The following SNAPC3 variants were observed in gnomAD, a reference collection of about 807,000 sequenced individuals.
The protein encoded by SNAPC3 is snRNA-activating protein complex subunit 3.
A neutral mutation model predicts 47.7 loss-of-function variants in SNAPC3; 56 were observed. The ratio of observed to expected loss-of-function variants is 1.18; its 90% CI spans 0.95 to 1.47. The LOEUF is 1.47. SNAPC3 is among the 40% of genes most tolerant of loss of function. The probability of loss-of-function intolerance (pLI) is 0.00; values close to 1 mark genes in which losing one functional copy is unlikely to be tolerated. For missense variants in SNAPC3, 665 were observed against 511.3 expected, an observed-to-expected ratio of 1.30 and a Z score of -2.90; for synonymous variants, 235 against 189.9, an observed-to-expected ratio of 1.24 and a Z score of -1.95.
intron 6 of SNAPC3, among the ~76,000 whole-genome samples, chr9:15,452,515 TC>T: frequency 6.6e-6 from 1 of 151,572 alleles, no homozygotes; most frequent in Non-Finnish European, 1.5e-5. Flanking sequence ...ATGGGGTTTT[TC>T]CATGTTGGTC....
At chr9:15,465,284 T>C (rs2035540020), downstream of SNAPC3, 2 of 440,328 alleles carry the variant, frequency 4.5e-6, no homozygotes, top group East Asian at 7.6e-5. Context: ...AAAAGCAGTT[T>C]AACATTTTCT....
chr9:15,424,383 T>C (rs1312957220), intron 2 of SNAPC3, among the ~76,000 whole-genome samples: 1 of 152,230 alleles, frequency 6.6e-6, no homozygotes, highest in Non-Finnish European at 1.5e-5. Flanking sequence ...GGTAATCTAC[T>C]TAGATCTGGG....
chr9:15,452,829 A>G (rs2034492207), intron 6 of SNAPC3, among the ~76,000 whole-genome samples: 1 of 152,270 alleles, frequency 6.6e-6, no homozygotes, highest in Non-Finnish European at 1.5e-5. Context: ...AGTGATGCAC[A>G]TCATGTAACC....
chr9:15,452,386 T>C (rs2034455270), intron 6 of SNAPC3, among the ~76,000 whole-genome samples: 1 of 152,022 alleles, frequency 6.6e-6, no homozygotes, highest in Non-Finnish European at 1.5e-5. Context: ...TGGCGCGATT[T>C]CGGCTCACCA....
At position 15,423,600 on chromosome 9, in the gene SNAPC3, G is replaced by C. The variant is rs371102958; in HGVS notation, c.315-309G>C. 3.9e-5 allele frequency among the ~76,000 whole-genome samples: 6 copies of C among 152,204 alleles called. No individual in the cohort carries two copies. The East Asian group carries it at 9.7e-4, about 24-fold the overall frequency. On this transcript the variant is annotated intron_variant, in intron 1 of 8. Transcript: ENST00000380821. ...AGGAGTGTTAAAACCCCGACTAACT[G>C]GTTTCTTTTGGGGACCTTCCGGGTA...
chr9:15,433,517 C>CTTTGA lies in SNAPC3; in HGVS notation c.393-31_393-27dup, dbSNP rs773442994. The CTTTGA allele has an allele frequency of 6.1e-6, 8 of 1,312,708 alleles. No homozygotes were observed. In the South Asian group the frequency reaches 1.0e-4, roughly 17 times the overall value. The allele number at this position is 1,312,708 out of a possible 1,614,324, so 81.3% of individuals were successfully genotyped here. On this transcript the variant is annotated intron_variant, in intron 2 of 8. Transcript: ENST00000380821. ...TGAAGCCCGAATAACAAATGTTGAA[C>CTTTGA]TTTGATTTTTTTTTTTCTTTTACAT...
At chr9:15,457,773 G>C (rs1296114298) in intron 7 of SNAPC3, among the ~76,000 whole-genome samples, 187 bp from the exon 8 acceptor site, 1 of 152,118 alleles carries the variant, frequency 6.6e-6, no homozygotes, top group Non-Finnish European at 1.5e-5. Flanking sequence ...AATGCTCTTG[G>C]AGAAAGTATT....
chr9:15,427,755 A>C (rs977349826), intron 2 of SNAPC3, among the ~76,000 whole-genome samples: 4 of 152,234 alleles, frequency 2.6e-5, no homozygotes, highest in Non-Finnish European at 5.9e-5. Context: ...TGTACTGTTT[A>C]AAGGTTAACA....
At position 15,448,768 on chromosome 9, in the gene SNAPC3, G is replaced by A. The variant is rs371983652; in HGVS notation, c.732+1524G>A. On this transcript the variant is annotated intron_variant, in intron 5 of 8. Transcript: ENST00000380821. ...GGAGAGAAACAATAGGATAAGAAAAGTAGAATTTCAAAATTTTACGCGGAG... is the reference window on the plus strand; with the variant it reads ...GGAGAGAAACAATAGGATAAGAAAAATAGAATTTCAAAATTTTACGCGGAG... Among the ~76,000 whole-genome samples the A allele has an allele frequency of 3.9e-5, 6 of 152,232 alleles. No homozygotes were observed. The East Asian group carries it at 9.7e-4, about 24-fold the overall frequency.
At chr9:15,447,516 T>TG (rs2034038558) in intron 5 of SNAPC3, among the ~76,000 whole-genome samples, 2 of 70,026 alleles carry the variant, frequency 2.9e-5, no homozygotes, top group South Asian at 6.5e-4. Context: ...TTTTCTTTTT[T>TG]GTTTTTTTTT....
At chr9:15,449,788 C>G (rs1207730956) in intron 5 of SNAPC3, among the ~76,000 whole-genome samples, 1 of 151,514 alleles carries the variant, frequency 6.6e-6, no homozygotes, top group Non-Finnish European at 1.5e-5. Context: ...TCAGGCTGGT[C>G]TTGAACTCCC....
At chr9:15,465,784 C>CCCAAA (rs140524451), downstream of SNAPC3, 7,662 of 498,690 alleles carry the variant, frequency 0.015, 489 homozygotes, top group African/African-American at 0.14. Context: ...GTATCTTCTT[C>CCCAAA]CCAAAGTAAT....
chr9:15,422,878 AC>A lies in SNAPC3; in HGVS notation c.-1del. On this transcript the variant is annotated 5_prime_UTR_variant, in exon 1 of 9. Coordinates refer to ENST00000380821, the MANE Select transcript of SNAPC3 (RefSeq NM_001039697.2). Reference sequence around the variant, plus strand: ...TTTTGCAGGGGAAGGAGTGGGGCGAACATGGCTGAAGGAAGCCGAGGTGGCC... The same window carrying A: ...TTTTGCAGGGGAAGGAGTGGGGCGAAATGGCTGAAGGAAGCCGAGGTGGCC... The A allele has an allele frequency of 3.9e-6, 6 of 1,535,240 alleles. No individual in the cohort carries two copies. The highest frequency in any genetic ancestry group is 2.8e-5 in the African/African-American group (2 of 71,294).
rs550857766 is a variant in SNAPC3, at chr9:15,431,559, G to A, written c.393-1993G>A. Among the ~76,000 whole-genome samples the A allele has an allele frequency of 2.0e-5, 3 of 148,714 alleles. No individual in the cohort carries two copies. The South Asian group carries it at 6.6e-4, about 33-fold the overall frequency. The stretch of plus-strand genomic sequence containing the variant: ...CAAATATCTGTTTATTTGAACAAAG[G>A]AAATGGAAAGGACAAACCAAAACTA... On this transcript the variant is annotated intron_variant, in intron 2 of 8. Transcript: ENST00000380821.
intron 3 of SNAPC3, among the ~76,000 whole-genome samples, chr9:15,438,972 ATTTC>A (rs1318532779): frequency 2.0e-5 from 3 of 152,100 alleles, no homozygotes; most frequent in African/African-American, 7.2e-5. Context: ...AGAACTGTCT[ATTTC>A]TTCAATTCTG....
chr9:15,436,268 A>C (rs1350938826), intron 3 of SNAPC3, among the ~76,000 whole-genome samples: 1 of 152,252 alleles, frequency 6.6e-6, no homozygotes, highest in Non-Finnish European at 1.5e-5. Context: ...CAGATGCAGC[A>C]TCATGAAGAT....
chr9:15,466,489 A>G (rs2035635236), downstream of SNAPC3, among the ~76,000 whole-genome samples: 1 of 152,246 alleles, frequency 6.6e-6, no homozygotes, highest in African/African-American at 2.4e-5. Context: ...GTATCTCAGT[A>G]AAAGTAGTCC....
At chr9:15,434,066 AGGCACTGTGCT>A (rs149557065) in intron 3 of SNAPC3, among the ~76,000 whole-genome samples, 4,069 of 152,302 alleles carry the variant, frequency 0.027, 165 homozygotes, top group African/African-American at 0.092. Context: ...TCAATGTGCT[AGGCACTGTGCT>A]GGCACTTGAT....
At chr9:15,443,094 A>AG (rs1384722111) in intron 3 of SNAPC3, among the ~76,000 whole-genome samples, 1 of 152,048 alleles carries the variant, frequency 6.6e-6, no homozygotes, top group Non-Finnish European at 1.5e-5. Context: ...TCAGGCAGGG[A>AG]GGTTGCAGTG....
Sources: allele counts gnomAD v4.1 joint callset (sites outside exome capture counted in the v4.1 genomes callset), GRCh38; gene constraint gnomAD v4.1.1; transcripts MANE v1.5; gene names NCBI Gene and HGNC (gene_info 2026-07-23, HGNC 2026-07-21).